BSG: variants seen among roughly 807,000 people sequenced by gnomAD.
BSG encodes basigin.
Under a neutral mutation model 43.1 loss-of-function variants are expected in BSG, and 37 were observed. The observed-to-expected ratio is 0.86, with a 90% CI of 0.66 to 1.13. The LOEUF (loss-of-function observed/expected upper bound fraction) is 1.13. BSG is among the 50% of genes most tolerant of loss of function. The pLI, the probability that BSG is intolerant of heterozygous loss-of-function variation, is 0.00. For synonymous variants in BSG, 309 were observed against 238.7 expected, an observed-to-expected ratio of 1.29 and a Z score of -2.72; for missense variants, 599 against 554.2, an observed-to-expected ratio of 1.08 and a Z score of -0.81.
chr19:580,965 A>G (rs1221102648), intron 5 of BSG, among the ~76,000 whole-genome samples, 183 bp downstream of exon 5: 1 of 133,938 alleles, frequency 7.5e-6, no homozygotes, highest in Non-Finnish European at 1.6e-5. Context: ...AGCCCTCCGG[A>G]CTGGGTGAGG....
At chr19:573,348 C>T (rs946975939) in intron 1 of BSG, among the ~76,000 whole-genome samples, 1 of 152,140 alleles carries the variant, frequency 6.6e-6, no homozygotes, top group African/African-American at 2.4e-5. Context: ...CTGGGGCCCC[C>T]GCAAGGGCCC....
chr19:574,396 AC>A (rs1472247154), intron 1 of BSG, among the ~76,000 whole-genome samples: 1 of 152,082 alleles, frequency 6.6e-6, no homozygotes, highest in Non-Finnish European at 1.5e-5. Context: ...TACTAAAAAT[AC>A]AAAAAATTAG....
chr19:580,368 T>G lies in BSG; in HGVS notation c.573-11T>G. On this transcript the variant is annotated splice_polypyrimidine_tract_variant and intron_variant, in intron 3 of 8. Transcript: ENST00000333511. ...GCTGGTACGCGGCTCACCTGCCTGC[T>G]GTGGTTGCAGGGTGGACTCCGACGA... The G allele has an allele frequency of 6.2e-7, 1 of 1,609,652 alleles. No homozygotes were observed. Among genetic ancestry groups the G allele is most frequent in the Non-Finnish European group, 8.5e-7 (1 of 1,179,344 alleles).
At chr19:578,844 C>T (rs999523710) in intron 2 of BSG, 2 of 360,614 alleles carry the variant, frequency 5.5e-6, no homozygotes, top group African/African-American at 2.1e-5. Context: ...GATTCTTCTG[C>T]CTCAGCCTCC....
upstream of BSG, chr19:571,449 C>A: frequency 1.3e-6 from 1 of 755,314 alleles, no homozygotes; most frequent in Non-Finnish European, 2.4e-6. Context: ...CCGTGGTCGC[C>A]GCGGAACTTC....
intron 8 of BSG, 78 bp downstream of exon 8, chr19:582,660 C>T (rs998333832): frequency 7.8e-6 from 11 of 1,408,480 alleles, no homozygotes; most frequent in African/African-American, 2.9e-5. Context: ...GTGTGGTGGG[C>T]GGGATCTGCT....
At chr19:582,677 G>C (rs1022972085) in intron 8 of BSG, 73 bp from the exon 9 acceptor site, 8 of 1,345,688 alleles carry the variant, frequency 5.9e-6, no homozygotes, top group African/African-American at 1.5e-5. Context: ...TGCTAGCCAG[G>C]TGTGGGCTCC....
At position 577,975 on chromosome 19, in the gene BSG, C is replaced by T; in HGVS notation, c.269C>T (p.Ala90Val). Reference sequence around the variant, plus strand: ...CACGCCACCTACCACCAGCACGCGGCCAGCACCATCTCCATCGACACGCTC... The same window carrying T: ...CACGCCACCTACCACCAGCACGCGGTCAGCACCATCTCCATCGACACGCTC... ...HIHATYHQHA[A>V]STISIDTLVE... The change falls in exon 2 of 9, where the codon GCC (alanine) becomes GTC (valine). Residue 90 changes from alanine to valine, a missense_variant. Transcript: ENST00000333511. 6.2e-7 allele frequency: 1 copy of T among 1,612,264 alleles called. No individual in the cohort carries two copies. Among genetic ancestry groups the T allele is most frequent in the Non-Finnish European group, 8.5e-7 (1 of 1,179,708 alleles).
intron 2 of BSG, 39 bp downstream of exon 2, chr19:578,160 T>A: frequency 6.7e-7 from 1 of 1,487,412 alleles, no homozygotes; most frequent in Non-Finnish European, 9.0e-7. Flanking sequence ...TCCCTCAGTT[T>A]CCCTCCTGTG....
At position 580,382 on chromosome 19, in the gene BSG, GGACTCCGAC is replaced by G; in HGVS notation, c.580_588del (p.Ser194_Asp196del). On this transcript the variant is annotated inframe_deletion, in exon 4 of 9. Coordinates refer to ENST00000333511, the MANE Select transcript of BSG (RefSeq NM_001728.4). The stretch of plus-strand genomic sequence containing the variant: ...CACCTGCCTGCTGTGGTTGCAGGGT[GGACTCCGAC>G]GACCAGTGGGGAGAGTACTCCTGCG... 6.2e-7 allele frequency: 1 copy of G among 1,610,790 alleles called. No individual in the cohort carries two copies. Among genetic ancestry groups the G allele is most frequent in the Non-Finnish European group, 8.5e-7 (1 of 1,179,840 alleles).
chr19:578,885 C>T (rs2145896350), intron 2 of BSG: 1 of 388,244 alleles, frequency 2.6e-6, no homozygotes, highest in African/African-American at 2.1e-5. Context: ...CATGAGCCAA[C>T]ATGCCCAGCT....
chr19:578,565 T>C (rs1340759932), intron 2 of BSG, among the ~76,000 whole-genome samples: 2 of 152,244 alleles, frequency 1.3e-5, no homozygotes, highest in African/African-American at 4.8e-5. Flanking sequence ...AGCGGGAATA[T>C]TGTAAACTAA....
chr19:582,863 A>G lies in BSG; in HGVS notation c.*119A>G. 1 of 508,790 alleles carries G rather than the reference A, an allele frequency of 2.0e-6. No individual in the cohort carries two copies. The highest frequency in any genetic ancestry group is 3.5e-6 in the Non-Finnish European group (1 of 287,376). The allele number at this position is 508,790 out of a possible 1,614,324, so 31.5% of individuals were successfully genotyped here. A position where few individuals can be genotyped will look rare whatever the true frequency, so the allele number is the denominator to read the frequency against. The stretch of plus-strand genomic sequence containing the variant: ...AAGAAAACCCACCCCGTAGATTCCC[A>G]TCATACACTTCCTTCTTTTTTAAAA... On this transcript the variant is annotated 3_prime_UTR_variant, in exon 9 of 9. Transcript: ENST00000333511.
Position 582,523 on chromosome 19 carries a change from C to T in BSG, c.1104C>T (p.Ser368=), listed in dbSNP as rs978161663. ...DDAGSAPLKS[S]GQHQNDKGKN... The stretch of plus-strand genomic sequence containing the variant: ...GCCCCTCGTGCCCCAGGAAGAGCAG[C>T]GGGCAGCACCAGAATGACAAAGGCA... Residue 368 remains serine (S), a synonymous_variant, in exon 8 of 9, where the codon AGC becomes AGT. Coordinates refer to ENST00000333511, the MANE Select transcript of BSG (RefSeq NM_001728.4). 17 of 1,607,800 alleles carry T rather than the reference C, an allele frequency of 1.1e-5. No individual in the cohort carries two copies. The highest frequency in any genetic ancestry group is 2.2e-5 in the East Asian group (1 of 44,652).
chr19:582,621 G>A, intron 8 of BSG, 39 bp downstream of exon 8: 1 of 1,393,416 alleles, frequency 7.2e-7, no homozygotes, highest in Non-Finnish European at 9.7e-7. Flanking sequence ...CAGGTGTGGT[G>A]GGTGGGTGGG....
At chr19:580,574 GCCC>G in intron 4 of BSG, 69 bp from the exon 5 acceptor site, 1 of 1,606,338 alleles carries the variant, frequency 6.2e-7, no homozygotes, top group African/African-American at 1.3e-5. Context: ...GAGGGGAACA[GCCC>G]TCCTGCGGGA....
intron 6 of BSG, 26 bp downstream of exon 6, chr19:581,617 A>G (rs371616504): frequency 1.9e-6 from 3 of 1,559,320 alleles, no homozygotes; most frequent in Non-Finnish European, 2.6e-6. Flanking sequence ...TCCTGCCCAC[A>G]TGCCCTGCTC....
In BSG at chr19:577,771, C is replaced by A. The variant is rs368361045; in HGVS notation, c.68-3C>A. 2.8e-6 allele frequency: 4 copies of A among 1,413,702 alleles called. No individual in the cohort carries two copies. In the African/African-American group the frequency reaches 5.8e-5, roughly 21 times the overall value. The allele number at this position is 1,413,702 out of a possible 1,614,324, so 87.6% of individuals were successfully genotyped here. A position where few individuals can be genotyped will look rare whatever the true frequency, so the allele number is the denominator to read the frequency against. ...CAAGACCCCACGCGTGCTCTCCCCA[C>A]AGCCGGCTTCGTCCAGGCGCCGCTG... On this transcript the variant is annotated splice_region_variant and splice_polypyrimidine_tract_variant and intron_variant, in intron 1 of 8. Transcript: ENST00000333511.
chr19:579,174 G>C (rs768828806), intron 2 of BSG: 11 of 498,454 alleles, frequency 2.2e-5, no homozygotes, highest in African/African-American at 2.1e-4. Flanking sequence ...AGCCTCGTGT[G>C]TCTCTGGGCA....
Sources: allele counts gnomAD v4.1 joint callset (sites outside exome capture counted in the v4.1 genomes callset), GRCh38; gene constraint gnomAD v4.1.1; transcripts MANE v1.5; gene names NCBI Gene and HGNC (gene_info 2026-07-23, HGNC 2026-07-21).